NCAPH: variants seen among roughly 807,000 people sequenced by gnomAD.
NCAPH encodes the protein non-SMC condensin I complex subunit H.
In NCAPH, 38 loss-of-function variants were observed where a neutral mutation model predicts 85.5. The ratio of observed to expected loss-of-function variants is 0.44; its 90% CI spans 0.34 to 0.58. The LOEUF is 0.58. Among genes scored for constraint, NCAPH ranks in the 20% least tolerant of loss-of-function variants. NCAPH has a pLI of 0.01. For missense variants in NCAPH, 789 were observed against 916.6 expected (o/e 0.86, Z 1.80); for synonymous variants, 301 against 335.1 (o/e 0.90, Z 1.11).
intron 5 of NCAPH, 72 bp downstream of exon 5, chr2:96,343,376 T>G: frequency 6.8e-7 from 1 of 1,478,850 alleles, no homozygotes; most frequent in East Asian, 2.3e-5. Flanking sequence ...AGTAATATAC[T>G]AGAAGAAGGT....
At chr2:96,349,077 G>A (rs1407167875) in intron 6 of NCAPH, among the ~76,000 whole-genome samples, 1 of 152,144 alleles carries the variant, frequency 6.6e-6, no homozygotes, top group Non-Finnish European at 1.5e-5. Flanking sequence ...AATTCTGGGA[G>A]CCTGAGGAAA....
rs770647676 is a variant in NCAPH at position 96,365,907 on chromosome 2, A to T, written c.1730A>T (p.Asp577Val). 1.2e-5 allele frequency: 20 copies of T among 1,614,190 alleles called. No individual in the cohort carries two copies. Among genetic ancestry groups the T allele is most frequent in the Non-Finnish European group, 1.7e-5 (20 of 1,180,030 alleles). ...AADSDDEDLD[D>V]LFVGPVGNSD... is the part of the protein sequence containing the mutation. ...GACAGTGATGATGAAGATTTGGATG[A>T]CTTATTTGTGGGACCTGTTGGGAAC... Residue 577 changes from aspartate to valine, a missense_variant, in exon 14 of 18, where the codon GAC (aspartate) becomes GTC (valine). Asp to Val is a radical substitution (Grantham distance 152). Transcript: ENST00000240423.
At chr2:96,371,950 T>C (rs944279003) in intron 17 of NCAPH, among the ~76,000 whole-genome samples, 12 of 152,214 alleles carry the variant, frequency 7.9e-5, no homozygotes, top group Admixed American at 6.5e-5. Flanking sequence ...GAGCCAGTGA[T>C]GGACGTGAGG....
chr2:96,370,239 C>T (rs1197932154), intron 17 of NCAPH, among the ~76,000 whole-genome samples: 2 of 152,220 alleles, frequency 1.3e-5, no homozygotes, highest in Non-Finnish European at 2.9e-5. Flanking sequence ...GGGCTATGGG[C>T]TGGGCCATGG....
intron 6 of NCAPH, among the ~76,000 whole-genome samples, chr2:96,349,881 T>G (rs1441859598): frequency 4.6e-5 from 7 of 152,204 alleles, no homozygotes; most frequent in African/African-American, 1.7e-4. Flanking sequence ...AGGCACATGC[T>G]ATAGGAAACC....
At chr2:96,336,797 AACAGGT>A (rs746653632) in intron 1 of NCAPH, among the ~76,000 whole-genome samples, 28 of 152,226 alleles carry the variant, frequency 1.8e-4, no homozygotes, top group Non-Finnish European at 3.5e-4. Context: ...AAACCATGGG[AACAGGT>A]GAGAACACTA....
At position 96,359,203 on chromosome 2, in the gene NCAPH, T is replaced by A; in HGVS notation, c.1357+10T>A. The A allele has an allele frequency of 1.2e-6, 2 of 1,612,874 alleles. No homozygotes were observed. Among genetic ancestry groups the A allele is most frequent in the Non-Finnish European group, 1.7e-6 (2 of 1,179,314 alleles). ...AGGCCTCGACGCAAACGTATGTAAT[T>A]CTAGGTGGAATTTTAAGAAAAGAAG... On this transcript the variant is annotated intron_variant, in intron 10 of 17. Coordinates refer to ENST00000240423, the MANE Select transcript of NCAPH (RefSeq NM_015341.5).
chr2:96,342,702 T>G, intron 3 of NCAPH, 54 bp from the exon 4 acceptor site: 1 of 1,401,844 alleles, frequency 7.1e-7, no homozygotes, highest in Non-Finnish European at 1.0e-6. Context: ...GCAGCATTAT[T>G]TACATGAGCC....
rs867830360 is a variant in NCAPH at position 96,365,952 on chromosome 2, C to G, written c.1775C>G (p.Pro592Arg). 1.9e-5 allele frequency: 31 copies of G among 1,614,050 alleles called. No homozygotes were observed. The highest frequency in any genetic ancestry group is 2.5e-5 in the Non-Finnish European group (30 of 1,180,040). Residue 592 changes from proline to arginine, a missense_variant, in exon 14 of 18, where the codon CCT becomes CGT. By Grantham distance (103) the Pro-to-Arg change is moderately radical (BLOSUM62 -2). Transcript: ENST00000240423. ...GGGAACTCTGACCTCTCACCTTATCCTTGCCATCCACCTAAGACAGCACAA... is the reference window on the plus strand; with the variant it reads ...GGGAACTCTGACCTCTCACCTTATCGTTGCCATCCACCTAAGACAGCACAA... ...PVGNSDLSPY[P>R]CHPPKTAQQN...
chr2:96,371,753 AT>A (rs1173310789), intron 17 of NCAPH, among the ~76,000 whole-genome samples: 1 of 152,218 alleles, frequency 6.6e-6, no homozygotes, highest in African/African-American at 2.4e-5. Flanking sequence ...TACTGTTATA[AT>A]CTACAGGGAT....
At chr2:96,362,010 C>G (rs931411727) in intron 12 of NCAPH, among the ~76,000 whole-genome samples, 1 of 151,438 alleles carries the variant, frequency 6.6e-6, no homozygotes, top group Admixed American at 6.6e-5. Flanking sequence ...TCCCAAAGTA[C>G]AGGGATTACA....
chr2:96,359,479 G>T, intron 10 of NCAPH: 1 of 403,276 alleles, frequency 2.5e-6, no homozygotes, highest in East Asian at 4.4e-5. Context: ...TCACTCAGTG[G>T]TCACGGGTGG....
intron 17 of NCAPH, among the ~76,000 whole-genome samples, chr2:96,370,063 A>C (rs2064752439): frequency 6.6e-6 from 1 of 152,226 alleles, no homozygotes; most frequent in Non-Finnish European, 1.5e-5. Flanking sequence ...TGGAAAGAGC[A>C]GAGGAGGGCA....
chr2:96,342,902 A>G (rs909840473), intron 4 of NCAPH, 54 bp downstream of exon 4: 96 of 1,470,128 alleles, frequency 6.5e-5, no homozygotes, highest in South Asian at 1.6e-4. Context: ...GATGATTTCT[A>G]CTACTTGGCA....
chr2:96,343,246 C>A lies in NCAPH; in HGVS notation c.537C>A (p.Val179=). The change falls in exon 5 of 18, where the codon GTC becomes GTA. Residue 179 remains valine (V), a synonymous_variant. Coordinates refer to ENST00000240423, the MANE Select transcript of NCAPH (RefSeq NM_015341.5). ...CCGTCCATGCCGATGTATACAGAGT[C>A]CTTGGGGGGCTGGGCAAAGATGCAC... is the stretch of plus-strand genomic sequence containing the variant. The part of the protein sequence containing the change: ...VDAVHADVYR[V]LGGLGKDAPS... The A allele has an allele frequency of 6.2e-7, 1 of 1,613,766 alleles. No homozygotes were observed.
At chr2:96,344,927 C>A (rs1239364717) in intron 6 of NCAPH, among the ~76,000 whole-genome samples, 3 of 152,136 alleles carry the variant, frequency 2.0e-5, no homozygotes, top group Non-Finnish European at 4.4e-5. Flanking sequence ...AATTCTGAGA[C>A]ATGGATTTTA....
chr2:96,345,413 G>T (rs1015848539), intron 6 of NCAPH, among the ~76,000 whole-genome samples: 5 of 152,226 alleles, frequency 3.3e-5, no homozygotes, highest in Admixed American at 2.6e-4. Context: ...GGCTGGTTCT[G>T]TGAGTGTGAA....
At position 96,374,288 on chromosome 2, in the gene NCAPH, C is replaced by G. The variant is rs2064809209; in HGVS notation, c.*937C>G. Among the ~76,000 whole-genome samples the G allele has an allele frequency of 6.6e-6, 1 of 152,200 alleles. No individual in the cohort carries two copies. The highest frequency in any genetic ancestry group is 2.4e-5 in the African/African-American group (1 of 41,452). On this transcript the variant is annotated 3_prime_UTR_variant, in exon 18 of 18. Coordinates refer to ENST00000240423, the MANE Select transcript of NCAPH (RefSeq NM_015341.5). ...TGTGCTATGTGCTACCTGGATAGGT[C>G]ATACAGGCTCAGCAGTGGGTGGAGA...
chr2:96,359,291 T>C, intron 10 of NCAPH, 98 bp downstream of exon 10: 1 of 1,447,126 alleles, frequency 6.9e-7, no homozygotes, highest in African/African-American at 1.4e-5. Flanking sequence ...CACAGCCCTG[T>C]TGTGTCTCTT....
Sources: gnomAD v4.1 joint callset for allele counts (sites outside exome capture counted in the v4.1 genomes callset) on GRCh38, gnomAD v4.1.1 for gene constraint, MANE v1.5 for transcripts, NCBI Gene and HGNC (gene_info 2026-07-23, HGNC 2026-07-21) for gene names.